Variants in CAMK2D observed in about 807,000 individuals in gnomAD.
CAMK2D encodes the protein calcium/calmodulin dependent protein kinase II delta, also known as calcium/calmodulin-dependent protein kinase type II subunit delta.
Under a neutral mutation model 84.0 loss-of-function variants are expected in CAMK2D, and 37 were observed. The observed-to-expected ratio is 0.44, with a 90% CI of 0.34 to 0.58. The LOEUF is 0.58. CAMK2D is among the 20% of genes least tolerant of loss of function. CAMK2D has a pLI of 0.02. For synonymous variants in CAMK2D, 202 were observed against 212.5 expected, an observed-to-expected ratio of 0.95 and a Z score of 0.43; for missense variants, 448 against 652.5, an observed-to-expected ratio of 0.69 and a Z score of 3.41.
chr4:113,696,175 G>GACAC (rs2099401911), intron 2 of CAMK2D, among the ~76,000 whole-genome samples: 1 of 132,438 alleles, frequency 7.6e-6, no homozygotes, highest in South Asian at 2.6e-4. Context: ...CCACTTGACA[G>GACAC]ACAGACACAC....
At chr4:113,520,961 C>T (rs1181076919) in intron 8 of CAMK2D, among the ~76,000 whole-genome samples, 1 of 149,006 alleles carries the variant, frequency 6.7e-6, no homozygotes, top group Non-Finnish European at 1.5e-5. Context: ...CCCAGGAGTT[C>T]GAGGCCACAG....
At chr4:113,588,225 T>C (rs565752334) in intron 4 of CAMK2D, among the ~76,000 whole-genome samples, 37 of 152,148 alleles carry the variant, frequency 2.4e-4, no homozygotes, top group Non-Finnish European at 5.0e-4. Flanking sequence ...TTATAGCCAT[T>C]AGTATCAGGC....
chr4:113,722,541 T>C (rs535785812), intron 2 of CAMK2D, among the ~76,000 whole-genome samples: 15 of 152,278 alleles, frequency 9.9e-5, no homozygotes, highest in South Asian at 2.1e-4. Context: ...ATGCAAGCAA[T>C]GTGCTTTCTT....
chr4:113,572,842 C>A (rs2098760730), intron 4 of CAMK2D, among the ~76,000 whole-genome samples: 1 of 152,142 alleles, frequency 6.6e-6, no homozygotes, highest in South Asian at 2.1e-4. Flanking sequence ...TACATATACA[C>A]CACGAAATAT....
rs1477551393 is a variant in CAMK2D, at chr4:113,451,273, A to C, written c.*3272T>G. The C allele has an allele frequency of 6.6e-6, 1 of 152,192 alleles. No homozygotes were observed. The highest frequency in any genetic ancestry group is 1.9e-4 in the East Asian group (1 of 5,196). 9.4% of individuals were successfully genotyped at this position (152,192 alleles called of 1,614,324 possible). A position where few individuals can be genotyped will look rare whatever the true frequency, so the allele number is the denominator to read the frequency against. ...TGCTGAGACATTTGAGTCCGAGTAT[A>C]TCCTCAGCATTAACAGTAAACCTAC... On this transcript the variant is annotated 3_prime_UTR_variant, in exon 21 of 21. Coordinates refer to ENST00000511664, the MANE Select transcript of CAMK2D (RefSeq NM_001321571.2).
At chr4:113,472,350 G>A (rs1378736563) in intron 16 of CAMK2D, among the ~76,000 whole-genome samples, 1 of 152,108 alleles carries the variant, frequency 6.6e-6, no homozygotes, top group East Asian at 1.9e-4. Context: ...TGGATGTGGC[G>A]GTGCTGAGAA....
intron 4 of CAMK2D, among the ~76,000 whole-genome samples, chr4:113,568,511 C>T (rs2098736721): frequency 6.6e-6 from 1 of 152,162 alleles, no homozygotes; most frequent in Non-Finnish European, 1.5e-5. Flanking sequence ...CACCTTTTGG[C>T]TATTTTGAAT....
intron 4 of CAMK2D, among the ~76,000 whole-genome samples, chr4:113,555,544 G>A (rs760813305): frequency 6.6e-6 from 1 of 152,106 alleles, no homozygotes; most frequent in Non-Finnish European, 1.5e-5. Flanking sequence ...GCAGTTAAGC[G>A]AAGAATCACC....
intron 16 of CAMK2D, among the ~76,000 whole-genome samples, chr4:113,481,628 C>T (rs569442105): frequency 1.3e-5 from 2 of 152,200 alleles, no homozygotes; most frequent in South Asian, 4.2e-4. Context: ...TACAGGCATG[C>T]ACCACCACAC....
At chr4:113,752,392 A>G (rs190157169) in intron 2 of CAMK2D, among the ~76,000 whole-genome samples, 20 of 152,222 alleles carry the variant, frequency 1.3e-4, no homozygotes, top group African/African-American at 4.8e-4. Context: ...TGCTGCACCT[A>G]AGTTATTTTT....
At chr4:113,754,379 T>C in intron 2 of CAMK2D, 2 of 981,076 alleles carry the variant, frequency 2.0e-6, no homozygotes, top group African/African-American at 1.7e-5. Context: ...ACAAAAAAGT[T>C]AGATGCCCAA....
chr4:113,506,953 A>T (rs1336667793), intron 13 of CAMK2D, among the ~76,000 whole-genome samples: 1 of 151,354 alleles, frequency 6.6e-6, no homozygotes, highest in Non-Finnish European at 1.5e-5. Context: ...TACACACACC[A>T]TCATCTCTTC....
chr4:113,552,279 T>G lies in CAMK2D; in HGVS notation c.276-183A>C, dbSNP rs74618944. Among the ~76,000 whole-genome samples, 997 of 152,334 alleles carry G rather than the reference T, an allele frequency of 6.5e-3. 12 individuals carry two copies. Among genetic ancestry groups the G allele is most frequent in the African/African-American group, 0.023 (951 of 41,590 alleles). On this transcript the variant is annotated intron_variant, in intron 4 of 20. Transcript: ENST00000511664. ...ACTACACTAAACATTTTTATCTTTT[T>G]TATTTGTCTATCATTAGACACATGA...
chr4:113,667,159 T>C (rs779312142), intron 2 of CAMK2D, among the ~76,000 whole-genome samples: 2 of 152,228 alleles, frequency 1.3e-5, no homozygotes, highest in African/African-American at 2.4e-5. Context: ...TGAAGTTTTA[T>C]ACTGTTGCAT....
At chr4:113,671,906 C>T (rs1402031472) in intron 2 of CAMK2D, among the ~76,000 whole-genome samples, 1 of 152,134 alleles carries the variant, frequency 6.6e-6, no homozygotes, top group Non-Finnish European at 1.5e-5. Context: ...AATTTGTATT[C>T]TTATGACTAT....
chr4:113,465,308 C>T (rs1297540005), intron 17 of CAMK2D, among the ~76,000 whole-genome samples: 1 of 152,170 alleles, frequency 6.6e-6, no homozygotes, highest in African/African-American at 2.4e-5. Flanking sequence ...GCAAGGATTA[C>T]AGGTGTGAGC....
chr4:113,631,348 A>G (rs1223335101), intron 3 of CAMK2D, among the ~76,000 whole-genome samples: 1 of 152,186 alleles, frequency 6.6e-6, no homozygotes, highest in East Asian at 1.9e-4. Flanking sequence ...CCTCGTCTCC[A>G]TTTTTTAAAA....
chr4:113,740,020 T>C (rs188654442), intron 2 of CAMK2D, among the ~76,000 whole-genome samples: 1 of 152,186 alleles, frequency 6.6e-6, no homozygotes, highest in Admixed American at 6.5e-5. Context: ...CTATTAATTA[T>C]ATGCACATGT....
At chr4:113,561,308 T>C (rs2098697521) in intron 4 of CAMK2D, among the ~76,000 whole-genome samples, 1 of 152,096 alleles carries the variant, frequency 6.6e-6, no homozygotes, top group South Asian at 2.1e-4. Flanking sequence ...ACCCCGTATC[T>C]ATAAAAAATT....
Sources: allele counts gnomAD v4.1 joint callset (sites outside exome capture counted in the v4.1 genomes callset), GRCh38; gene constraint gnomAD v4.1.1; transcripts MANE v1.5; gene names NCBI Gene and HGNC (gene_info 2026-07-23, HGNC 2026-07-21).